Variants in NOP14 observed in about 807,000 individuals in gnomAD.
NOP14 encodes the protein NOP14 nucleolar protein.
A neutral mutation model predicts 101.6 loss-of-function variants in NOP14; 57 were observed. The observed-to-expected ratio is 0.56, with a 90% CI of 0.45 to 0.70. The LOEUF (loss-of-function observed/expected upper bound fraction) is 0.70, where lower values mean the gene tolerates loss of function less well. NOP14 is among the 30% of genes least tolerant of loss of function. The pLI, the probability that NOP14 is intolerant of heterozygous loss-of-function variation, is 0.00. For missense variants in NOP14, 1,134 were observed against 1,075.5 expected (o/e 1.05, Z -0.76); for synonymous variants, 428 against 424.0 (o/e 1.01, Z -0.12).
chr4:2,941,440 A>T, intron 15 of NOP14, 142 bp downstream of exon 15: 1 of 717,612 alleles, frequency 1.4e-6, no homozygotes, highest in Non-Finnish European at 2.3e-6. Context: ...TTATGATTTT[A>T]CTTCCCTTCA....
rs1353816738 is a variant in NOP14 at position 2,938,263 on chromosome 4, G to A, written c.*568C>T. The A allele has an allele frequency of 2.3e-6, 3 of 1,282,098 alleles. No individual in the cohort carries two copies. Among genetic ancestry groups the A allele is most frequent in the Middle Eastern group, 2.2e-4 (1 of 4,626 alleles). The allele number at this position is 1,282,098 out of a possible 1,614,324, so 79.4% of individuals were successfully genotyped here. A position where few individuals can be genotyped will look rare whatever the true frequency, so the allele number is the denominator to read the frequency against. Reference sequence around the variant, plus strand: ...ATTACTTTTTTGGCTGGGTGCTGTGGCTCACACCTATAATTGGGGGGCCAA... The same window carrying A: ...ATTACTTTTTTGGCTGGGTGCTGTGACTCACACCTATAATTGGGGGGCCAA... On this transcript the variant is annotated 3_prime_UTR_variant, in exon 18 of 18. Transcript: ENST00000416614.
chr4:2,952,385 C>T lies in NOP14; in HGVS notation c.760G>A (p.Asp254Asn), dbSNP rs760706789. 1 of 1,611,690 alleles carries T rather than the reference C, an allele frequency of 6.2e-7. No homozygotes were observed. The highest frequency in any genetic ancestry group is 1.7e-5 in the Admixed American group (1 of 59,998). The change falls in exon 6 of 18, where the codon GAC becomes AAC. Residue 254 changes from aspartate (D) to asparagine (N), a missense_variant. Physicochemically the swap from Asp to Asn is conservative, Grantham distance 23. Coordinates refer to ENST00000416614, the MANE Select transcript of NOP14 (RefSeq NM_001291978.2). Reference sequence around the variant, plus strand: ...AAGCCAAGCTCGCGAACCATCATGTCATATGCATCGGGCTAAGGTAGAAAG... The same window carrying T: ...AAGCCAAGCTCGCGAACCATCATGTTATATGCATCGGGCTAAGGTAGAAAG... The part of the protein sequence containing the change: ...KKEKPKPDAY[D>N]MMVRELGFEM...
intron 10 of NOP14, chr4:2,946,912 C>T (rs1277724353): frequency 1.4e-5 from 4 of 284,950 alleles, no homozygotes; most frequent in South Asian, 3.7e-5. Context: ...CAGAAGATGA[C>T]GTGGAGAGCT....
Position 2,938,430 on chromosome 4 carries a change from G to C in NOP14, c.*401C>G. The C allele has an allele frequency of 2.8e-6, 1 of 351,796 alleles. No individual in the cohort carries two copies. The highest frequency in any genetic ancestry group is 2.1e-5 in the South Asian group (1 of 46,634). 21.8% of individuals were successfully genotyped at this position (351,796 alleles called of 1,614,324 possible). On this transcript the variant is annotated 3_prime_UTR_variant, in exon 18 of 18. Coordinates refer to ENST00000416614, the MANE Select transcript of NOP14 (RefSeq NM_001291978.2). ...AGCTACTCGGGAGGCTGAGGCAGGA[G>C]AATCGCTTGAACCCAGGAGGTGGAG... is the stretch of plus-strand genomic sequence containing the variant.
intron 3 of NOP14, 24 bp downstream of exon 3, chr4:2,956,646 C>T (rs758380463): frequency 6.2e-7 from 1 of 1,603,764 alleles, no homozygotes; most frequent in Non-Finnish European, 8.5e-7. Flanking sequence ...GCCCACAGGC[C>T]CGTGCACAGC....
rs184535484 is a variant in NOP14 at position 2,946,292 on chromosome 4, A to T, written c.1635+120T>A. 640 of 1,168,542 alleles carry T rather than the reference A, an allele frequency of 5.5e-4. 7 individuals are homozygous for T. The East Asian group carries it at 0.011, about 21-fold the overall frequency. The allele number at this position is 1,168,542 out of a possible 1,614,324, so 72.4% of individuals were successfully genotyped here. On this transcript the variant is annotated intron_variant, in intron 11 of 17. Coordinates refer to ENST00000416614, the MANE Select transcript of NOP14 (RefSeq NM_001291978.2). ...GATCACCCTCGCTGCCGTGCAGCTC[A>T]CTCCACATCACCCTGGAAGCACAGG...
chr4:2,959,486 A>T (rs371718980), intron 1 of NOP14, among the ~76,000 whole-genome samples: 4 of 152,208 alleles, frequency 2.6e-5, no homozygotes, highest in East Asian at 3.9e-4. Flanking sequence ...CCAGCTACTC[A>T]GGAGGCTGAG....
intron 7 of NOP14, 79 bp from the exon 8 acceptor site, chr4:2,950,292 C>G (rs1714936659): frequency 1.4e-6 from 2 of 1,480,486 alleles, no homozygotes; most frequent in Admixed American, 1.8e-5. Context: ...CATCAAGAGG[C>G]TGCCCACATC....
chr4:2,945,650 C>T (rs1714567547), intron 11 of NOP14, among the ~76,000 whole-genome samples: 1 of 152,224 alleles, frequency 6.6e-6, no homozygotes, highest in Non-Finnish European at 1.5e-5. Flanking sequence ...CAGCATGAGG[C>T]TGTTATAAAA....
chr4:2,939,682 A>G (rs767454596), intron 15 of NOP14, 37 bp from the exon 16 acceptor site: 9 of 1,497,884 alleles, frequency 6.0e-6, no homozygotes, highest in Non-Finnish European at 8.4e-6. Flanking sequence ...GCGATGACTC[A>G]CCTGCTGCGT....
Position 2,952,377 on chromosome 4 carries a change from C to T in NOP14, c.768G>A (p.Met256Ile), listed in dbSNP as rs746063397. Residue 256 changes from methionine to isoleucine, a missense_variant, in exon 6 of 18, where the codon ATG becomes ATA. Met to Ile is a conservative substitution (Grantham distance 10). Coordinates refer to ENST00000416614, the MANE Select transcript of NOP14 (RefSeq NM_001291978.2). The stretch of plus-strand genomic sequence containing the variant: ...TCATTTCAAAGCCAAGCTCGCGAAC[C>T]ATCATGTCATATGCATCGGGCTAAG... ...EKPKPDAYDM[M>I]VRELGFEMKA... 14 of 1,612,520 alleles carry T rather than the reference C, an allele frequency of 8.7e-6. No homozygotes were observed. The highest frequency in any genetic ancestry group is 1.2e-5 in the Non-Finnish European group (14 of 1,179,040).
At position 2,953,528 on chromosome 4, in the gene NOP14, T is replaced by C; in HGVS notation, c.730A>G (p.Lys244Glu). Residue 244 changes from lysine to glutamate, a missense_variant, in exon 5 of 18, where the codon AAA becomes GAA. By Grantham distance (56) the Lys-to-Glu change is moderately conservative. Transcript: ENST00000416614. ...HKTPKSENRDKKEKPKPDAYD... is the reference protein window; with the variant it reads ...HKTPKSENRDEKEKPKPDAYD... ...GCTCCCACCTTGGGTTTTTCCTTTT[T>C]GTCTCTGTTCTCTGACTTGGGAGTT... 6.2e-7 allele frequency: 1 copy of C among 1,614,216 alleles called. No homozygotes were observed. The highest frequency in any genetic ancestry group is 1.6e-4 in the Middle Eastern group (1 of 6,062).
At chr4:2,950,246 G>A in intron 7 of NOP14, 33 bp from the exon 8 acceptor site, 4 of 1,606,662 alleles carry the variant, frequency 2.5e-6, no homozygotes, top group Non-Finnish European at 3.4e-6. Flanking sequence ...AGGGCATGAG[G>A]ACAGGCGGAG....
At chr4:2,959,583 ACT>A (rs34950300) in intron 1 of NOP14, among the ~76,000 whole-genome samples, 68,101 of 151,242 alleles carry the variant, frequency 0.45, 16,253 homozygotes, top group African/African-American at 0.6. Context: ...ACAGACAAAG[ACT>A]CTGTCTCAAA....
At chr4:2,950,945 A>G (rs1421929212) in intron 7 of NOP14, 169 bp downstream of exon 7, 3 of 600,624 alleles carry the variant, frequency 5.0e-6, no homozygotes, top group South Asian at 2.2e-5. Context: ...TCTTCTCTCT[A>G]AAGTTTTAAT....
chr4:2,962,717 C>G (rs1391340698), intron 1 of NOP14, among the ~76,000 whole-genome samples: 1 of 152,184 alleles, frequency 6.6e-6, no homozygotes, highest in East Asian at 1.9e-4. Flanking sequence ...GAGTTACTTC[C>G]CAAGGAACAA....
At position 2,946,392 on chromosome 4, in the gene NOP14, C is replaced by G; in HGVS notation, c.1635+20G>C. On this transcript the variant is annotated intron_variant, in intron 11 of 17. Coordinates refer to ENST00000416614, the MANE Select transcript of NOP14 (RefSeq NM_001291978.2). ...AGAACTTCTGTGGCAGGGGCAGTGC[C>G]TAGACTGAACTCTGCTTACCACATC... is the stretch of plus-strand genomic sequence containing the variant. 6.2e-7 allele frequency: 1 copy of G among 1,613,932 alleles called. No individual in the cohort carries two copies. Among genetic ancestry groups the G allele is most frequent in the Non-Finnish European group, 8.5e-7 (1 of 1,179,828 alleles).
chr4:2,945,044 T>A, intron 12 of NOP14, 84 bp downstream of exon 12: 1 of 925,878 alleles, frequency 1.1e-6, no homozygotes, highest in Non-Finnish European at 1.7e-6. Flanking sequence ...GCCACACTCA[T>A]GTTCCACAAG....
rs1406167192 is a variant in NOP14 at position 2,941,567 on chromosome 4, G to A, written c.2199+15C>T. On this transcript the variant is annotated intron_variant, in intron 15 of 17. Transcript: ENST00000416614. ...TGAGCCCAGGCAGAGCACCCTAGTG[G>A]CCGGGAAGCCTCACCTGGAGCTCCT... 1.1e-5 allele frequency: 18 copies of A among 1,609,472 alleles called. No homozygotes were observed. The highest frequency in any genetic ancestry group is 2.7e-5 in the African/African-American group (2 of 74,862).
Sources: allele counts gnomAD v4.1 joint callset (sites outside exome capture counted in the v4.1 genomes callset), GRCh38; gene constraint gnomAD v4.1.1; transcripts MANE v1.5; gene names NCBI Gene and HGNC (gene_info 2026-07-23, HGNC 2026-07-21).